Variants in ORC4 observed in about 807,000 individuals in gnomAD.
ORC4 encodes the protein origin recognition complex, subunit 4 homolog.
A neutral mutation model predicts 63.9 loss-of-function variants in ORC4; 55 were observed. The observed-to-expected ratio is 0.86, with a 90% CI of 0.69 to 1.08. The LOEUF (loss-of-function observed/expected upper bound fraction) is 1.08, where lower values mean the gene tolerates loss of function less well. Ranked by LOEUF, ORC4 falls within the 50% of genes least tolerant of loss-of-function variation. The pLI is 0.00. For missense variants in ORC4, 511 were observed against 504.4 expected (o/e 1.01, Z -0.13); for synonymous variants, 150 against 168.5 (o/e 0.89, Z 0.85).
At chr2:148,001,723 A>G (rs1397179111) in intron 1 of ORC4, among the ~76,000 whole-genome samples, 1 of 152,222 alleles carries the variant, frequency 6.6e-6, no homozygotes, top group Non-Finnish European at 1.5e-5. Context: ...ATAACCAGCT[A>G]GCATCATAAT....
intron 13 of ORC4, chr2:147,936,331 C>G (rs1196535793): frequency 6.6e-6 from 1 of 152,540 alleles, no homozygotes; most frequent in Non-Finnish European, 1.5e-5. Context: ...TAATAGGGCT[C>G]TTTCTTGTCT....
intron 1 of ORC4, among the ~76,000 whole-genome samples, chr2:147,986,478 T>C (rs1339923504): frequency 6.6e-6 from 1 of 151,454 alleles, no homozygotes; most frequent in Non-Finnish European, 1.5e-5. Context: ...ATTTCAAGCC[T>C]AAAAAAAAGA....
chr2:147,942,753 G>A (rs1688434803), intron 10 of ORC4, among the ~76,000 whole-genome samples: 1 of 150,282 alleles, frequency 6.7e-6, no homozygotes, highest in South Asian at 2.1e-4. Context: ...TTGCAAAAAA[G>A]CAAGAAAAGA....
At chr2:148,021,060 G>C (rs1693682991), upstream of ORC4, 1 of 152,800 alleles carries the variant, frequency 6.5e-6, no homozygotes, top group Non-Finnish European at 1.5e-5. Context: ...AGTGCCTCCC[G>C]TCTCTTCTAC....
At position 147,952,366 on chromosome 2, in the gene ORC4, G is replaced by A. The variant is rs1280301673; in HGVS notation, c.588+7C>T. 2.5e-6 allele frequency: 4 copies of A among 1,583,196 alleles called. No individual in the cohort carries two copies. Among genetic ancestry groups the A allele is most frequent in the Admixed American group, 1.7e-5 (1 of 59,696 alleles). On this transcript the variant is annotated splice_region_variant and intron_variant, in intron 8 of 13. Transcript: ENST00000392857. ...AATCAATTTTTTTAATGAACAGAAA[G>A]ACTTACCAATCTACATGTAAGACCA...
chr2:147,946,757 G>C (rs1688678820), intron 9 of ORC4, among the ~76,000 whole-genome samples: 1 of 151,824 alleles, frequency 6.6e-6, no homozygotes, highest in Admixed American at 6.6e-5. Context: ...ATAACAATGG[G>C]AAAAAAGTAA....
At chr2:148,001,093 G>A (rs1052103049) in intron 1 of ORC4, among the ~76,000 whole-genome samples, 5 of 152,112 alleles carry the variant, frequency 3.3e-5, no homozygotes, top group African/African-American at 1.2e-4. Flanking sequence ...CAACATCACA[G>A]CCTTCCTGGG....
chr2:147,976,083 T>C, intron 1 of ORC4, 108 bp from the exon 2 acceptor site: 1 of 699,904 alleles, frequency 1.4e-6, no homozygotes. Context: ...AAGTAAAAAA[T>C]GCTCAAACCC....
intron 6 of ORC4, among the ~76,000 whole-genome samples, chr2:147,956,442 T>C (rs1159219711): frequency 6.6e-6 from 1 of 152,090 alleles, no homozygotes; most frequent in African/African-American, 2.4e-5. Context: ...TATGCTTCTA[T>C]AAATACGTAT....
intron 1 of ORC4, among the ~76,000 whole-genome samples, chr2:147,995,522 T>C (rs556273829): frequency 1.3e-5 from 2 of 152,262 alleles, no homozygotes; most frequent in African/African-American, 2.4e-5. Context: ...CTCTTCACAA[T>C]AGATCTTGCT....
At position 147,943,535 on chromosome 2, in the gene ORC4, A is replaced by C. The variant is rs748770718; in HGVS notation, c.763-13T>G. On this transcript the variant is annotated splice_polypyrimidine_tract_variant and intron_variant, in intron 9 of 13. Transcript: ENST00000392857. ...CTTCTGAGAGATACTAAAAGGAAAA[A>C]AAAAAAAAAAGCCAAAATTGAGGAA... 11 of 1,506,152 alleles carry C rather than the reference A, an allele frequency of 7.3e-6. No homozygotes were observed. Among genetic ancestry groups the C allele is most frequent in the Non-Finnish European group, 1.0e-5 (11 of 1,087,824 alleles). 93.3% of individuals were successfully genotyped at this position (1,506,152 alleles called of 1,614,324 possible). A position where few individuals can be genotyped will look rare whatever the true frequency, so the allele number is the denominator to read the frequency against.
chr2:147,963,985 A>T (rs2105328730), intron 4 of ORC4, among the ~76,000 whole-genome samples: 1 of 152,334 alleles, frequency 6.6e-6, no homozygotes, highest in South Asian at 2.1e-4. Context: ...CAATTCTGTA[A>T]GATTGGAAAA....
intron 4 of ORC4, among the ~76,000 whole-genome samples, chr2:147,964,415 T>C (rs141524774): frequency 2.0e-5 from 3 of 151,904 alleles, no homozygotes; most frequent in Middle Eastern, 6.8e-3. Context: ...AGAAAAAAAA[T>C]AGAATGAAGA....
chr2:148,012,298 G>A (rs529583851), intron 1 of ORC4, among the ~76,000 whole-genome samples: 2 of 152,222 alleles, frequency 1.3e-5, no homozygotes, highest in Admixed American at 6.5e-5. Flanking sequence ...ATTAATCTGT[G>A]TATTTAAAGC....
At chr2:148,019,544 ATCGCGCCACTGCAC>A (rs1693550665) in intron 1 of ORC4, among the ~76,000 whole-genome samples, 1 of 152,258 alleles carries the variant, frequency 6.6e-6, no homozygotes, top group African/African-American at 2.4e-5. Flanking sequence ...GTGAGCCGAG[ATCGCGCCACTGCAC>A]TCGTCTGGGA....
At chr2:148,009,671 G>C (rs900961587) in intron 1 of ORC4, among the ~76,000 whole-genome samples, 1 of 152,120 alleles carries the variant, frequency 6.6e-6, no homozygotes, top group Non-Finnish European at 1.5e-5. Context: ...AGATCATCTA[G>C]ACAGAAAGAA....
intron 1 of ORC4, among the ~76,000 whole-genome samples, chr2:148,017,813 A>G (rs1029147448): frequency 4.6e-5 from 7 of 152,266 alleles, no homozygotes; most frequent in Admixed American, 3.9e-4. Context: ...TTAATTGAAC[A>G]CTAAATAAAA....
Position 147,931,797 on chromosome 2 carries a change from G to C in ORC4, c.*3713C>G, listed in dbSNP as rs1687758470. 6.6e-6 allele frequency: 1 copy of C among 151,844 alleles called. No homozygotes were observed. Among genetic ancestry groups the C allele is most frequent in the African/African-American group, 2.4e-5 (1 of 41,284 alleles). The allele number at this position is 151,844 out of a possible 1,614,324, so 9.4% of individuals were successfully genotyped here. ...ACTCTCAATAAATTAGGGATTGATG[G>C]GGTGTATTTCAAAATAATAAGAGCT... is the stretch of plus-strand genomic sequence containing the variant. On this transcript the variant is annotated 3_prime_UTR_variant, in exon 14 of 14. Coordinates refer to ENST00000392857, the MANE Select transcript of ORC4 (RefSeq NM_181741.4).
At chr2:147,947,627 A>G (rs1272048356) in intron 9 of ORC4, 1 of 154,684 alleles carries the variant, frequency 6.5e-6, no homozygotes, top group African/African-American at 2.4e-5. Context: ...ATAAAAGCTG[A>G]AGTTGCTAAT....
Sources: gnomAD v4.1 joint callset for allele counts (sites outside exome capture counted in the v4.1 genomes callset) on GRCh38, gnomAD v4.1.1 for gene constraint, MANE v1.5 for transcripts, NCBI Gene and HGNC (gene_info 2026-07-23, HGNC 2026-07-21) for gene names.